DSCAML1: variants seen among roughly 807,000 people sequenced by gnomAD.
The protein encoded by DSCAML1 is DS cell adhesion molecule like 1.
DSCAML1 carries 38 observed loss-of-function variants against 200.5 expected under a neutral mutation model. The ratio of observed to expected loss-of-function variants is 0.19; its 90% CI spans 0.15 to 0.25. The LOEUF is 0.25. Ranked by LOEUF, DSCAML1 falls within the 10% of genes least tolerant of loss-of-function variation. DSCAML1 has a pLI of 1.00. For synonymous variants in DSCAML1, 1,215 were observed against 1,165.0 expected, an observed-to-expected ratio of 1.04 and a Z score of -0.87; for missense variants, 2,223 against 2,858.8, an observed-to-expected ratio of 0.78 and a Z score of 5.07.
At chr11:117,784,439 TCTG>T (rs1306600512) in intron 1 of DSCAML1, among the ~76,000 whole-genome samples, 1 of 152,040 alleles carries the variant, frequency 6.6e-6, no homozygotes, top group Admixed American at 6.6e-5. Context: ...ACCTCAAATC[TCTG>T]CTATGTGCCA....
intron 3 of DSCAML1, among the ~76,000 whole-genome samples, chr11:117,689,450 A>C (rs2137715532): frequency 6.6e-6 from 1 of 152,360 alleles, no homozygotes; most frequent in East Asian, 1.9e-4. Context: ...AAGGATAGTA[A>C]TACATAGCAA....
chr11:117,751,528 T>A (rs781520066), intron 3 of DSCAML1, among the ~76,000 whole-genome samples: 1 of 151,940 alleles, frequency 6.6e-6, no homozygotes, highest in African/African-American at 2.4e-5. Context: ...CTGGGCACCA[T>A]CTCGGGGCTT....
At chr11:117,514,741 C>T (rs1412541805) in intron 8 of DSCAML1, among the ~76,000 whole-genome samples, 1 of 152,136 alleles carries the variant, frequency 6.6e-6, no homozygotes, top group East Asian at 1.9e-4. Flanking sequence ...TGCCACCACG[C>T]TCTGCTAATT....
intron 8 of DSCAML1, among the ~76,000 whole-genome samples, chr11:117,514,519 T>C (rs7945799): frequency 0.014 from 2,113 of 151,718 alleles, 46 homozygotes; most frequent in African/African-American, 0.049. Flanking sequence ...TATGCAGACC[T>C]GGGAAAGATT....
chr11:117,509,865 A>G (rs1364869629), intron 8 of DSCAML1, among the ~76,000 whole-genome samples: 1 of 152,078 alleles, frequency 6.6e-6, no homozygotes, highest in Non-Finnish European at 1.5e-5. Flanking sequence ...GGCCCTCTTT[A>G]CTGTGGAGTC....
chr11:117,655,996 CT>C (rs1410316809), intron 3 of DSCAML1, among the ~76,000 whole-genome samples: 1 of 152,216 alleles, frequency 6.6e-6, no homozygotes, highest in Non-Finnish European at 1.5e-5. Flanking sequence ...AGCACTGGCA[CT>C]TTGGGAGGCC....
intron 3 of DSCAML1, among the ~76,000 whole-genome samples, chr11:117,707,908 T>C (rs1378471600): frequency 6.6e-6 from 1 of 152,218 alleles, no homozygotes; most frequent in East Asian, 1.9e-4. Context: ...AAGGTCCTTG[T>C]TCTTATCTTG....
intron 11 of DSCAML1, among the ~76,000 whole-genome samples, chr11:117,491,074 G>GA (rs1298608438): frequency 6.6e-6 from 1 of 152,200 alleles, no homozygotes; most frequent in East Asian, 1.9e-4. Flanking sequence ...ATACCCAAAG[G>GA]AGAGGAGCGA....
intron 3 of DSCAML1, among the ~76,000 whole-genome samples, chr11:117,607,631 A>C (rs1311891467): frequency 2.0e-5 from 3 of 152,222 alleles, no homozygotes; most frequent in African/African-American, 7.2e-5. Context: ...AGGCTGAGGC[A>C]GGGGCCTACG....
chr11:117,472,087 C>A, intron 14 of DSCAML1, 51 bp from the exon 15 acceptor site: 1 of 1,599,978 alleles, frequency 6.3e-7, no homozygotes, highest in Non-Finnish European at 8.5e-7. Flanking sequence ...CTCCAGGACC[C>A]CTTCCCAGCC....
At chr11:117,713,054 G>A (rs1258573371) in intron 3 of DSCAML1, among the ~76,000 whole-genome samples, 1 of 152,138 alleles carries the variant, frequency 6.6e-6, no homozygotes, top group Non-Finnish European at 1.5e-5. Context: ...TAGAGTCAGA[G>A]TCACACAAAA....
intron 3 of DSCAML1, among the ~76,000 whole-genome samples, chr11:117,691,693 T>C (rs1277769399): frequency 1.3e-5 from 2 of 152,156 alleles, no homozygotes; most frequent in Non-Finnish European, 2.9e-5. Context: ...GTGTGTGTAA[T>C]GTTGTTTAAA....
chr11:117,619,103 T>G (rs1218821073), intron 3 of DSCAML1, among the ~76,000 whole-genome samples: 2 of 152,188 alleles, frequency 1.3e-5, no homozygotes, highest in African/African-American at 4.8e-5. Context: ...TGGTTCTAGC[T>G]CGGGGCGCCT....
intron 11 of DSCAML1, among the ~76,000 whole-genome samples, chr11:117,485,389 A>G (rs539250983): frequency 1.1e-3 from 164 of 152,340 alleles, no homozygotes; most frequent in Middle Eastern, 3.4e-3. Flanking sequence ...GGCAATGAGC[A>G]TCACACACCA....
At chr11:117,539,242 AGT>A (rs1462776878) in intron 3 of DSCAML1, among the ~76,000 whole-genome samples, 1 of 152,100 alleles carries the variant, frequency 6.6e-6, no homozygotes, top group East Asian at 1.9e-4. Context: ...CCCATTTCTG[AGT>A]GTTTCTGCAC....
intron 3 of DSCAML1, among the ~76,000 whole-genome samples, chr11:117,667,555 CTG>C (rs2053004961): frequency 6.6e-6 from 1 of 152,222 alleles, no homozygotes; most frequent in South Asian, 2.1e-4. Context: ...AGCCCAGACA[CTG>C]AGACTGGTTC....
intron 27 of DSCAML1, among the ~76,000 whole-genome samples, chr11:117,434,589 C>A (rs1214679219): frequency 6.6e-6 from 1 of 152,036 alleles, no homozygotes; most frequent in East Asian, 1.9e-4. Context: ...GGCCATTCAA[C>A]AATCCATCAA....
chr11:117,724,401 G>A (rs1405475041), intron 3 of DSCAML1, among the ~76,000 whole-genome samples: 1 of 152,222 alleles, frequency 6.6e-6, no homozygotes, highest in African/African-American at 2.4e-5. Flanking sequence ...AGGGGGCTGG[G>A]CTGTGGAAGG....
At chr11:117,606,367 G>T (rs373938872) in intron 3 of DSCAML1, among the ~76,000 whole-genome samples, 30 of 152,282 alleles carry the variant, frequency 2.0e-4, no homozygotes, top group African/African-American at 6.7e-4. Flanking sequence ...AAACTCCCCC[G>T]CTGTGAGAGT....
Sources: allele counts gnomAD v4.1 joint callset (sites outside exome capture counted in the v4.1 genomes callset), GRCh38; gene constraint gnomAD v4.1.1; transcripts MANE v1.5; gene names NCBI Gene and HGNC (gene_info 2026-07-23, HGNC 2026-07-21).